The following COG5 variants were observed in gnomAD, a reference collection of about 807,000 sequenced individuals.
The protein encoded by COG5 is component of oligomeric golgi complex 5, also known as conserved oligomeric Golgi complex subunit 5.
Under a neutral mutation model 110.4 loss-of-function variants are expected in COG5, and 86 were observed. The ratio of observed to expected loss-of-function variants is 0.78; its 90% CI spans 0.65 to 0.93. COG5 has a LOEUF of 0.93. Ranked by LOEUF, COG5 falls within the 40% of genes least tolerant of loss-of-function variation. The pLI is 0.00. For synonymous variants in COG5, 360 were observed against 334.6 expected (o/e 1.08, Z -0.83); for missense variants, 1,077 against 987.0 (o/e 1.09, Z -1.22).
intron 5 of COG5, among the ~76,000 whole-genome samples, chr7:107,530,956 C>A (rs1441005526): frequency 3.9e-5 from 6 of 152,140 alleles, no homozygotes; most frequent in African/African-American, 1.4e-4. Context: ...TGAGCCACCA[C>A]AGAAGCCCTC....
At chr7:107,266,719 G>A (rs2116688522) in intron 14 of COG5, among the ~76,000 whole-genome samples, 1 of 152,026 alleles carries the variant, frequency 6.6e-6, no homozygotes, top group East Asian at 1.9e-4. Context: ...GCTTTGAAGT[G>A]GGAAACCAGA....
chr7:107,546,435 G>GTTTTTTTTTTTTTTTTTTTTTTTTTT (rs754919944), intron 5 of COG5, among the ~76,000 whole-genome samples: 1 of 119,486 alleles, frequency 8.4e-6, no homozygotes. Context: ...TTGGTTTTTT[G>GTTTTTTTTTTTTTTTTTTTTTTTTTT]TTTTTTTTTT....
intron 6 of COG5, among the ~76,000 whole-genome samples, chr7:107,507,208 C>T (rs895031279): frequency 2.0e-5 from 3 of 152,200 alleles, no homozygotes; most frequent in Non-Finnish European, 4.4e-5. Flanking sequence ...CTGTAGCCTG[C>T]AGCTTCTTTC....
intron 5 of COG5, among the ~76,000 whole-genome samples, chr7:107,541,595 T>A (rs1802043889): frequency 7.0e-6 from 1 of 142,232 alleles, no homozygotes; most frequent in Non-Finnish European, 1.5e-5. Flanking sequence ...ATAAATGTCA[T>A]AACAGAAAGA....
At position 107,530,624 on chromosome 7, in the gene COG5, A is replaced by AAAC. The variant is rs1554457923; in HGVS notation, c.418-3270_418-3268dup. 1.9e-3 allele frequency among the ~76,000 whole-genome samples: 275 copies of AAAC among 141,268 alleles called. 9 individuals are homozygous for AAAC. The highest frequency in any genetic ancestry group is 5.8e-3 in the African/African-American group (193 of 33,402). The allele number at this position is 141,268 out of a possible 152,430, so 92.7% of individuals were successfully genotyped here. A position where few individuals can be genotyped will look rare whatever the true frequency, so the allele number is the denominator to read the frequency against. ...CTCAAAAAAAAAAAAAAAAAAAAAA[A>AAAC]AACACAGTTTTCAGCACTCCAACCC... is the stretch of plus-strand genomic sequence containing the variant. On this transcript the variant is annotated intron_variant, in intron 5 of 21. Transcript: ENST00000297135.
At chr7:107,544,838 T>C (rs1453917356) in intron 5 of COG5, among the ~76,000 whole-genome samples, 1 of 152,222 alleles carries the variant, frequency 6.6e-6, no homozygotes, top group Non-Finnish European at 1.5e-5. Flanking sequence ...AATAATCATC[T>C]TTTAAAAACT....
At chr7:107,243,127 G>T (rs1015342586) in intron 17 of COG5, among the ~76,000 whole-genome samples, 4 of 152,030 alleles carry the variant, frequency 2.6e-5, no homozygotes, top group Non-Finnish European at 5.9e-5. Context: ...TAACGGTAAG[G>T]GTTCAATTCA....
chr7:107,308,357 T>G (rs1807911957), intron 11 of COG5, among the ~76,000 whole-genome samples: 1 of 152,178 alleles, frequency 6.6e-6, no homozygotes, highest in South Asian at 2.1e-4. Flanking sequence ...ACTGTCCAAG[T>G]GATTCTAAAG....
intron 6 of COG5, among the ~76,000 whole-genome samples, chr7:107,513,074 A>G (rs1272854969): frequency 1.1e-4 from 16 of 151,630 alleles, no homozygotes; most frequent in South Asian, 8.3e-4. Context: ...AAGAGCTTCT[A>G]CACAGCAAAA....
At chr7:107,558,951 A>G (rs1280470248) in intron 1 of COG5, among the ~76,000 whole-genome samples, 3 of 148,598 alleles carry the variant, frequency 2.0e-5, no homozygotes, top group African/African-American at 2.5e-5. Flanking sequence ...ACTACTAGCT[A>G]TAACTATTAA....
intron 3 of COG5, 39 bp from the exon 4 acceptor site, chr7:107,548,371 C>T: frequency 6.4e-7 from 1 of 1,570,250 alleles, no homozygotes; most frequent in Non-Finnish European, 8.8e-7. Context: ...TACAAATTTA[C>T]AGGGCATCCA....
At chr7:107,536,158 T>C (rs973038295) in intron 5 of COG5, among the ~76,000 whole-genome samples, 4 of 151,744 alleles carry the variant, frequency 2.6e-5, no homozygotes, top group African/African-American at 9.7e-5. Context: ...TATCTCAAAA[T>C]AATGAGAGCT....
At chr7:107,386,480 C>A (rs1379244275) in intron 7 of COG5, among the ~76,000 whole-genome samples, 1 of 152,060 alleles carries the variant, frequency 6.6e-6, no homozygotes, top group East Asian at 1.9e-4. Flanking sequence ...CACGACGGAC[C>A]GCCGAAAAGA....
At chr7:107,329,306 C>T (rs1810039051) in intron 10 of COG5, among the ~76,000 whole-genome samples, 1 of 151,842 alleles carries the variant, frequency 6.6e-6, no homozygotes, top group African/African-American at 2.4e-5. Context: ...TGTGAAAAGT[C>T]CTTGGGAGAC....
At chr7:107,391,198 G>C (rs192093663) in intron 7 of COG5, among the ~76,000 whole-genome samples, 1 of 152,092 alleles carries the variant, frequency 6.6e-6, no homozygotes, top group African/African-American at 2.4e-5. Flanking sequence ...GAAGGCCAGC[G>C]AGTACAGCCC....
intron 6 of COG5, among the ~76,000 whole-genome samples, chr7:107,504,110 T>G (rs546396410): frequency 6.6e-6 from 1 of 152,298 alleles, no homozygotes; most frequent in African/African-American, 2.4e-5. Flanking sequence ...TTTTCCCCGT[T>G]CAGTATGATG....
intron 7 of COG5, among the ~76,000 whole-genome samples, chr7:107,393,968 A>T (rs1031833280): frequency 1.9e-3 from 281 of 148,400 alleles, no homozygotes; most frequent in African/African-American, 5.9e-3. Context: ...ATTTATTATT[A>T]TTTTTTTTTT....
intron 10 of COG5, among the ~76,000 whole-genome samples, chr7:107,356,821 C>T (rs10240677): frequency 0.13 from 19,753 of 152,000 alleles, 1,954 homozygotes; most frequent in African/African-American, 0.28. Context: ...ATTTTATTCA[C>T]AGGTGTAAAA....
At chr7:107,518,454 G>T (rs569091306) in intron 6 of COG5, among the ~76,000 whole-genome samples, 31 of 152,036 alleles carry the variant, frequency 2.0e-4, no homozygotes, top group Non-Finnish European at 3.7e-4. Context: ...AAAATAAGAG[G>T]ATAGATGAAA....
Sources: allele counts gnomAD v4.1 joint callset (sites outside exome capture counted in the v4.1 genomes callset), GRCh38; gene constraint gnomAD v4.1.1; transcripts MANE v1.5; gene names NCBI Gene and HGNC (gene_info 2026-07-23, HGNC 2026-07-21).